Variants in CCDC175 observed in about 807,000 individuals in gnomAD.
The protein encoded by CCDC175 is coiled-coil domain containing 175.
CCDC175 carries 100 observed loss-of-function variants against 114.6 expected under a neutral mutation model. That is an observed-to-expected ratio of 0.87 (90% CI 0.74 to 1.03). CCDC175 has a LOEUF of 1.03. CCDC175 is among the 50% of genes least tolerant of loss of function. The pLI is 0.00. For synonymous variants in CCDC175, 306 were observed against 308.7 expected, an observed-to-expected ratio of 0.99 and a Z score of 0.09; for missense variants, 880 against 917.8, an observed-to-expected ratio of 0.96 and a Z score of 0.53.
chr14:59,567,475 T>C (rs1896625886), intron 4 of CCDC175, among the ~76,000 whole-genome samples: 1 of 152,232 alleles, frequency 6.6e-6, no homozygotes, highest in African/African-American at 2.4e-5. Flanking sequence ...ATAAGGGCTC[T>C]TTGTGAACAT....
chr14:59,538,713 G>C lies in CCDC175; in HGVS notation c.1483C>G (p.Leu495Val). 1.3e-6 allele frequency: 2 copies of C among 1,534,742 alleles called. No homozygotes were observed. The highest frequency in any genetic ancestry group is 1.7e-4 in the Middle Eastern group (1 of 5,914). The change falls in exon 12 of 20, where the codon CTT (leucine) becomes GTT (valine). Residue 495 changes from leucine (L) to valine (V), a missense_variant. Physicochemically the swap from Leu to Val is conservative, Grantham distance 32 (BLOSUM62 1). Coordinates refer to ENST00000537690, the MANE Select transcript of CCDC175 (RefSeq NM_001164399.2). ...TCTTTCAGTTCTCTTACCTCGTTAA[G>C]TAATTCAATTCGTCTAACTTCTGCA... ...QNAEVRRIEL[L>V]NETSFRQQEI... is the part of the protein sequence containing the mutation.
intron 17 of CCDC175, among the ~76,000 whole-genome samples, chr14:59,516,991 C>T (rs1368522718): frequency 2.6e-5 from 4 of 152,170 alleles, no homozygotes; most frequent in Non-Finnish European, 5.9e-5. Context: ...GGGCTTCATC[C>T]CTGGGATGCA....
At chr14:59,515,213 T>C (rs1161957981) in intron 17 of CCDC175, among the ~76,000 whole-genome samples, 2 of 152,198 alleles carry the variant, frequency 1.3e-5, no homozygotes, top group Non-Finnish European at 2.9e-5. Context: ...TGAAAAAGCA[T>C]GCCAAATTGT....
At chr14:59,572,640 G>C in intron 3 of CCDC175, 62 bp downstream of exon 3, 1 of 885,680 alleles carries the variant, frequency 1.1e-6, no homozygotes, top group Non-Finnish European at 1.7e-6. Context: ...TTATCTTGTT[G>C]AAAGTACTTC....
intron 18 of CCDC175, among the ~76,000 whole-genome samples, 181 bp from the exon 19 acceptor site, chr14:59,510,989 G>A (rs1257449454): frequency 6.6e-6 from 1 of 152,152 alleles, no homozygotes; most frequent in Non-Finnish European, 1.5e-5. Context: ...TTGGAAAAAT[G>A]GATTATGAAG....
intron 16 of CCDC175, among the ~76,000 whole-genome samples, chr14:59,522,824 C>T (rs1023528292): frequency 6.6e-6 from 1 of 152,228 alleles, no homozygotes; most frequent in African/African-American, 2.4e-5. Flanking sequence ...CAGATTGTTG[C>T]ACTTAACATA....
intron 17 of CCDC175, among the ~76,000 whole-genome samples, chr14:59,514,542 G>T (rs1481516529): frequency 1.3e-5 from 2 of 152,228 alleles, no homozygotes; most frequent in African/African-American, 4.8e-5. Flanking sequence ...TAGCCGATTA[G>T]ATCAACTGGA....
In CCDC175 at chr14:59,565,033, A is replaced by G; in HGVS notation, c.720+14T>C. On this transcript the variant is annotated intron_variant, in intron 5 of 19. Coordinates refer to ENST00000537690, the MANE Select transcript of CCDC175 (RefSeq NM_001164399.2). ...TACATTATTGTATTTTAAAGAATAAATCATGCCACTTACCTGTGCAGTCAA... is the reference window on the plus strand; with the variant it reads ...TACATTATTGTATTTTAAAGAATAAGTCATGCCACTTACCTGTGCAGTCAA... 1.4e-6 allele frequency: 2 copies of G among 1,460,184 alleles called. No homozygotes were observed. The highest frequency in any genetic ancestry group is 2.5e-5 in the South Asian group (2 of 79,598). 90.5% of individuals were successfully genotyped at this position (1,460,184 alleles called of 1,614,324 possible).
chr14:59,575,069 A>G, intron 1 of CCDC175, 41 bp from the exon 2 acceptor site: 1 of 1,133,778 alleles, frequency 8.8e-7, no homozygotes, highest in Non-Finnish European at 1.2e-6. Context: ...TTATTTATCT[A>G]TCCAAATCCT....
At chr14:59,555,698 T>A (rs1466749911) in intron 7 of CCDC175, among the ~76,000 whole-genome samples, 1 of 152,220 alleles carries the variant, frequency 6.6e-6, no homozygotes, top group Non-Finnish European at 1.5e-5. Flanking sequence ...GATGACATGA[T>A]TGTATATTTA....
At chr14:59,575,260 A>G (rs1897044129) in intron 1 of CCDC175, among the ~76,000 whole-genome samples, 1 of 146,754 alleles carries the variant, frequency 6.8e-6, no homozygotes, top group East Asian at 2.0e-4. Context: ...TTTACATATT[A>G]ATATTTTATA....
chr14:59,517,991 G>T (rs916369976), intron 17 of CCDC175, among the ~76,000 whole-genome samples: 1 of 152,082 alleles, frequency 6.6e-6, no homozygotes, highest in African/African-American at 2.4e-5. Context: ...CAATGGAACC[G>T]AACAGAGCCC....
At chr14:59,524,183 G>A (rs2139988896) in intron 16 of CCDC175, among the ~76,000 whole-genome samples, 1 of 152,118 alleles carries the variant, frequency 6.6e-6, no homozygotes, top group Admixed American at 6.5e-5. Flanking sequence ...TTACTGTTTT[G>A]TCACAGTATA....
chr14:59,526,237 G>A (rs1893726611), intron 15 of CCDC175, among the ~76,000 whole-genome samples: 1 of 152,098 alleles, frequency 6.6e-6, no homozygotes. Flanking sequence ...AAATGGAACT[G>A]TATATACACT....
intron 13 of CCDC175, among the ~76,000 whole-genome samples, chr14:59,533,847 G>C (rs1176720928): frequency 6.6e-6 from 1 of 151,970 alleles, no homozygotes; most frequent in Non-Finnish European, 1.5e-5. Flanking sequence ...AAATTAGCCA[G>C]GCCTGGTGGC....
At chr14:59,511,672 A>G (rs1642987148) in intron 18 of CCDC175, 88 bp downstream of exon 18, 5 of 1,102,496 alleles carry the variant, frequency 4.5e-6, no homozygotes, top group Non-Finnish European at 6.6e-6. Flanking sequence ...GTGCACACAG[A>G]CACAAAAGCA....
At chr14:59,506,278 TTTTTTTTTTTTTC>T (rs1466600670) in intron 19 of CCDC175, among the ~76,000 whole-genome samples, 1 of 142,826 alleles carries the variant, frequency 7.0e-6, no homozygotes, top group Non-Finnish European at 1.5e-5. Flanking sequence ...CACAGGGATT[TTTTTTTTTTTTTC>T]TTTTTTTTTT....
chr14:59,514,070 C>T (rs998212912), intron 17 of CCDC175, among the ~76,000 whole-genome samples: 2 of 152,182 alleles, frequency 1.3e-5, no homozygotes, highest in African/African-American at 4.8e-5. Context: ...TGGAGTGGAC[C>T]TCCAGCAAAC....
chr14:59,565,424 G>A, intron 4 of CCDC175, 149 bp from the exon 5 acceptor site: 1 of 724,224 alleles, frequency 1.4e-6, no homozygotes, highest in East Asian at 2.7e-5. Flanking sequence ...TTGGTTGAAG[G>A]CCAGGTGCAG....
Sources: allele counts gnomAD v4.1 joint callset (sites outside exome capture counted in the v4.1 genomes callset), GRCh38; gene constraint gnomAD v4.1.1; transcripts MANE v1.5; gene names NCBI Gene and HGNC (gene_info 2026-07-23, HGNC 2026-07-21).